The following CSTF3 variants were observed in gnomAD, a reference collection of about 807,000 sequenced individuals.
CSTF3 encodes cleavage stimulation factor subunit 3, also known as CF-1 77 kDa subunit.
CSTF3 carries 29 observed loss-of-function variants against 105.8 expected under a neutral mutation model. The ratio of observed to expected loss-of-function variants is 0.27; its 90% confidence interval spans 0.20 to 0.37. The LOEUF is 0.37. Ranked by LOEUF, CSTF3 falls within the 10% of genes least tolerant of loss-of-function variation. The pLI is 1.00. For synonymous variants in CSTF3, 252 were observed against 281.9 expected, an observed-to-expected ratio of 0.89 and a Z score of 1.06; for missense variants, 357 against 879.3, an observed-to-expected ratio of 0.41 and a Z score of 7.51.
At chr11:33,161,184 T>C in intron 1 of CSTF3, 115 bp downstream of exon 1, 2 of 1,111,546 alleles carry the variant, frequency 1.8e-6, no homozygotes, top group Admixed American at 1.9e-5. Flanking sequence ...CTATATACCC[T>C]GTCCCCCGGG....
In CSTF3 at chr11:33,084,701, C is replaced by A; in HGVS notation, c.*386G>T. ...TAAGGCAGGACTCTACATAAGCAAA[C>A]CAAGAACAATTGTTTTCAGAAAATG... On this transcript the variant is annotated 3_prime_UTR_variant, in exon 21 of 21. Coordinates refer to ENST00000323959, the MANE Select transcript of CSTF3 (RefSeq NM_001326.3). 1 of 201,584 alleles carries A rather than the reference C, an allele frequency of 5.0e-6. No homozygotes were observed. Among genetic ancestry groups the A allele is most frequent in the Non-Finnish European group, 1.0e-5 (1 of 96,452 alleles). 12.5% of individuals were successfully genotyped at this position (201,584 alleles called of 1,614,324 possible).
At position 33,084,900 on chromosome 11, in the gene CSTF3, G is replaced by A. The variant is rs758362223; in HGVS notation, c.*187C>T. Reference sequence around the variant, plus strand: ...AAACCTAATTTTGCTTAGAGCATAGGTCTGTTCCGTATTCTAAAATTCACA... The same window carrying A: ...AAACCTAATTTTGCTTAGAGCATAGATCTGTTCCGTATTCTAAAATTCACA... On this transcript the variant is annotated 3_prime_UTR_variant, in exon 21 of 21. Coordinates refer to ENST00000323959, the MANE Select transcript of CSTF3 (RefSeq NM_001326.3). 3.0e-6 allele frequency: 2 copies of A among 670,956 alleles called. No homozygotes were observed. The highest frequency in any genetic ancestry group is 2.6e-5 in the Admixed American group (1 of 38,496). 41.6% of individuals were successfully genotyped at this position (670,956 alleles called of 1,614,324 possible).
chr11:33,103,193 A>G lies in CSTF3; in HGVS notation c.586-9T>C. On this transcript the variant is annotated splice_polypyrimidine_tract_variant and intron_variant, in intron 8 of 20. Coordinates refer to ENST00000323959, the MANE Select transcript of CSTF3 (RefSeq NM_001326.3). ...AAATGAATATTGATACCCTAGAAAAAAACAAAAATATTTTAAAATTAAGTA... is the reference window on the plus strand; with the variant it reads ...AAATGAATATTGATACCCTAGAAAAGAACAAAAATATTTTAAAATTAAGTA... The G allele has an allele frequency of 7.3e-7, 1 of 1,365,702 alleles. No homozygotes were observed. Among genetic ancestry groups the G allele is most frequent in the Non-Finnish European group, 1.0e-6 (1 of 990,284 alleles). The allele number at this position is 1,365,702 out of a possible 1,614,324, so 84.6% of individuals were successfully genotyped here.
chr11:33,124,312 T>TGG lies in CSTF3; in HGVS notation c.226-15896_226-15895dup, dbSNP rs200058661. Among the ~76,000 whole-genome samples the TGG allele has an allele frequency of 8.9e-3, 1,352 of 152,172 alleles. 5 individuals carry two copies. Among genetic ancestry groups the TGG allele is most frequent in the Non-Finnish European group, 0.013 (878 of 67,934 alleles). On this transcript the variant is annotated intron_variant, in intron 3 of 20. Transcript: ENST00000323959. ...AATACTAATGAATGGAATTTGACAC[T>TGG]GGCGTAACTCAAGATTATTAAAAAT...
intron 5 of CSTF3, among the ~76,000 whole-genome samples, chr11:33,106,526 G>A (rs1034075986): frequency 2.6e-5 from 4 of 151,344 alleles, no homozygotes; most frequent in Non-Finnish European, 4.4e-5. Flanking sequence ...GCCAGGAGTC[G>A]GAGACAAGCC....
chr11:33,086,877 G>T, intron 18 of CSTF3, 111 bp downstream of exon 18: 1 of 1,198,256 alleles, frequency 8.3e-7, no homozygotes, highest in Non-Finnish European at 1.2e-6. Flanking sequence ...GTGATCCTAA[G>T]TCTAATAATT....
At chr11:33,148,891 T>C (rs530768300) in intron 1 of CSTF3, among the ~76,000 whole-genome samples, 4 of 147,014 alleles carry the variant, frequency 2.7e-5, no homozygotes, top group Admixed American at 7.0e-5. Flanking sequence ...AGAGACAGGC[T>C]CTCTCTACAT....
At chr11:33,125,100 C>T (rs544580159) in intron 3 of CSTF3, among the ~76,000 whole-genome samples, 7 of 152,216 alleles carry the variant, frequency 4.6e-5, no homozygotes, top group African/African-American at 4.8e-5. Context: ...ATTGTGCTTC[C>T]GCCCCATGTA....
chr11:33,097,374 A>G (rs113906826), intron 13 of CSTF3, among the ~76,000 whole-genome samples: 2 of 151,778 alleles, frequency 1.3e-5, no homozygotes, highest in African/African-American at 4.9e-5. Context: ...CTTACAATAC[A>G]TGTTTTTTTT....
chr11:33,142,105 C>A, intron 1 of CSTF3, 119 bp from the exon 2 acceptor site: 1 of 1,483,654 alleles, frequency 6.7e-7, no homozygotes, highest in Non-Finnish European at 9.0e-7. Context: ...TAAAAATATC[C>A]TCTTATAAAA....
chr11:33,113,507 A>G (rs1259883572), intron 3 of CSTF3, among the ~76,000 whole-genome samples: 4 of 152,024 alleles, frequency 2.6e-5, no homozygotes, highest in Non-Finnish European at 5.9e-5. Context: ...ACACAGCAAG[A>G]CCCTGTCTAA....
chr11:33,108,340 T>C, intron 4 of CSTF3, 46 bp downstream of exon 4: 1 of 1,403,778 alleles, frequency 7.1e-7, no homozygotes, highest in Non-Finnish European at 9.5e-7. Flanking sequence ...CATACTAGGT[T>C]TTAAGTTAAA....
At chr11:33,096,514 A>T in intron 14 of CSTF3, 106 bp from the exon 15 acceptor site, 1 of 732,672 alleles carries the variant, frequency 1.4e-6, no homozygotes, top group Non-Finnish European at 2.2e-6. Flanking sequence ...TGTAAGAATT[A>T]AAACAAATTA....
Position 33,108,956 on chromosome 11 carries a change from C to T in CSTF3, c.226-538G>A, listed in dbSNP as rs529578043. Among the ~76,000 whole-genome samples, 25 of 152,070 alleles carry T rather than the reference C, an allele frequency of 1.6e-4. No homozygotes were observed. In the East Asian group the frequency reaches 4.4e-3, roughly 27 times the overall value. On this transcript the variant is annotated intron_variant, in intron 3 of 20. Transcript: ENST00000323959. The stretch of plus-strand genomic sequence containing the variant: ...CAATCTTATGGGGAAAATAAGACAA[C>T]GAAGTGGAAGGTCATTGTAAGATAT...
intron 8 of CSTF3, among the ~76,000 whole-genome samples, chr11:33,104,027 A>G (rs1318317664): frequency 2.0e-5 from 3 of 152,086 alleles, no homozygotes; most frequent in Admixed American, 6.6e-5. Flanking sequence ...TAGTCTTGCT[A>G]TGTTGCCTGG....
In CSTF3 at chr11:33,085,046, GGA is replaced by G. The variant is rs1855089551; in HGVS notation, c.*39_*40del. ...TTTAAACATACCACTTGAGGCAAAA[GGA>G]ATCCTGGACAGGAGTTTTCTGCAGA... On this transcript the variant is annotated 3_prime_UTR_variant, in exon 21 of 21. Coordinates refer to ENST00000323959, the MANE Select transcript of CSTF3 (RefSeq NM_001326.3). 2 of 1,604,572 alleles carry G rather than the reference GGA, an allele frequency of 1.2e-6. No homozygotes were observed. The highest frequency in any genetic ancestry group is 4.5e-5 in the East Asian group (2 of 44,836).
rs201347951 is a variant in CSTF3 at position 33,096,984 on chromosome 11, C to A, written c.1129-6G>T. The A allele has an allele frequency of 1.2e-5, 7 of 568,352 alleles. No individual in the cohort carries two copies. Among genetic ancestry groups the A allele is most frequent in the Non-Finnish European group, 2.0e-5 (7 of 358,120 alleles). 35.2% of individuals were successfully genotyped at this position (568,352 alleles called of 1,614,324 possible). A position where few individuals can be genotyped will look rare whatever the true frequency, so the allele number is the denominator to read the frequency against. On this transcript the variant is annotated splice_polypyrimidine_tract_variant and splice_region_variant and intron_variant, in intron 13 of 20. Coordinates refer to ENST00000323959, the MANE Select transcript of CSTF3 (RefSeq NM_001326.3). ...TTCATATATTGGATATATACCTATG[C>A]AAAAGAAAGTATTTGTGTTCTATAA...
chr11:33,126,665 CTT>C (rs1377856845), intron 3 of CSTF3, among the ~76,000 whole-genome samples: 1 of 152,084 alleles, frequency 6.6e-6, no homozygotes, highest in African/African-American at 2.4e-5. Context: ...GAAAATACAT[CTT>C]GTTATAAACT....
chr11:33,107,832 G>C, intron 5 of CSTF3, 71 bp downstream of exon 5: 1 of 817,398 alleles, frequency 1.2e-6, no homozygotes, highest in African/African-American at 1.8e-5. Context: ...CTAACAGAAG[G>C]TGTGAGTTTA....
Sources: gnomAD v4.1 joint callset for allele counts (sites outside exome capture counted in the v4.1 genomes callset) on GRCh38, gnomAD v4.1.1 for gene constraint, MANE v1.5 for transcripts, NCBI Gene and HGNC (gene_info 2026-07-23, HGNC 2026-07-21) for gene names.